Variants in PSME4 observed in about 807,000 individuals in gnomAD.
PSME4 encodes proteasome activator complex subunit 4.
PSME4 carries 89 observed loss-of-function variants against 253.9 expected under a neutral mutation model. The ratio of observed to expected loss-of-function variants is 0.35; its 90% CI spans 0.30 to 0.42. The LOEUF is 0.42. Among genes scored for constraint, PSME4 ranks in the 10% least tolerant of loss-of-function variants. The pLI, the probability that PSME4 is intolerant of heterozygous loss-of-function variation, is 1.00. For missense variants in PSME4, 2,014 were observed against 2,195.2 expected (o/e 0.92, Z 1.65); for synonymous variants, 851 against 759.2 (o/e 1.12, Z -1.99).
At chr2:53,912,070 T>G (rs1016651583) in intron 20 of PSME4, among the ~76,000 whole-genome samples, 1 of 152,212 alleles carries the variant, frequency 6.6e-6, no homozygotes, top group African/African-American at 2.4e-5. Flanking sequence ...TTCCTCGACT[T>G]TTAAAACTTG....
chr2:53,957,212 G>T (rs1433593801), intron 1 of PSME4, among the ~76,000 whole-genome samples: 2 of 152,176 alleles, frequency 1.3e-5, no homozygotes, highest in Non-Finnish European at 1.5e-5. Flanking sequence ...ACACAGAAAG[G>T]ACCGGTTTTG....
Position 53,908,378 on chromosome 2 carries a change from T to C in PSME4, c.2726A>G (p.His909Arg), listed in dbSNP as rs768667528. 37 of 1,613,208 alleles carry C rather than the reference T, an allele frequency of 2.3e-5. No individual in the cohort carries two copies. The highest frequency in any genetic ancestry group is 3.1e-5 in the Non-Finnish European group (37 of 1,179,618). ...GCTTTTCCATCGGGAGTCAAATTCA[T>C]GCTTGTGAGATCCTTGGAATTGTAA... ...DLLQFQGSHK[H>R]EFDSRWKSFN... Residue 909 changes from histidine to arginine, a missense_variant, in exon 24 of 47, where the codon CAT (histidine) becomes CGT (arginine). Transcript: ENST00000404125.
At chr2:53,888,015 T>C (rs764259077) in intron 38 of PSME4, 26 bp from the exon 39 acceptor site, 14 of 1,592,246 alleles carry the variant, frequency 8.8e-6, no homozygotes, top group South Asian at 5.7e-5. Context: ...CGTAGTGTTA[T>C]ATTGGAGGCC....
rs1244622821 is a variant in PSME4, at chr2:53,932,962, T to C, written c.958-202A>G. 2.3e-5 allele frequency: 12 copies of C among 514,570 alleles called. No individual in the cohort carries two copies. The South Asian group carries it at 3.7e-4, about 16-fold the overall frequency. The allele number at this position is 514,570 out of a possible 1,614,324, so 31.9% of individuals were successfully genotyped here. Reference sequence around the variant, plus strand: ...CCAACTCAAAATATTCTACTGCAAATAAGGGCAGCTTACTTGAACCAACAT... The same window carrying C: ...CCAACTCAAAATATTCTACTGCAAACAAGGGCAGCTTACTTGAACCAACAT... On this transcript the variant is annotated intron_variant, in intron 8 of 46. Coordinates refer to ENST00000404125, the MANE Select transcript of PSME4 (RefSeq NM_014614.3).
chr2:53,909,177 T>G (rs1667706767), intron 21 of PSME4, among the ~76,000 whole-genome samples: 1 of 152,122 alleles, frequency 6.6e-6, no homozygotes, highest in Non-Finnish European at 1.5e-5. Flanking sequence ...TTTCAAAGGC[T>G]CTAGTCACTA....
intron 44 of PSME4, among the ~76,000 whole-genome samples, chr2:53,868,853 TTAAACATGACATAG>T (rs1678732507): frequency 6.6e-6 from 1 of 151,956 alleles, no homozygotes; most frequent in Non-Finnish European, 1.5e-5. Flanking sequence ...ACATTTCTTT[TTAAACATGACATAG>T]TAGTCAGATC....
At chr2:53,923,157 G>A in intron 15 of PSME4, 39 bp from the exon 16 acceptor site, 1 of 1,540,916 alleles carries the variant, frequency 6.5e-7, no homozygotes, top group Non-Finnish European at 8.9e-7. Flanking sequence ...TTTTTGAAAG[G>A]CAAATATATA....
chr2:53,874,442 T>C lies in PSME4; in HGVS notation c.4997A>G (p.Gln1666Arg). Residue 1666 changes from glutamine to arginine, a missense_variant, in exon 43 of 47, where the codon CAG becomes CGG. This residue lies in a region of PSME4 where 403 missense variants were observed against 556.1 expected (regional missense o/e 0.72). Coordinates refer to ENST00000404125, the MANE Select transcript of PSME4 (RefSeq NM_014614.3). ...HARYTVLTYL[Q>R]TMVFYNLFIF... ...AAAGAGGTTATAAAATACCATGGTCTGGAGGTAGGTCAGTACTGTGTATCG... is the reference window on the plus strand; with the variant it reads ...AAAGAGGTTATAAAATACCATGGTCCGGAGGTAGGTCAGTACTGTGTATCG... The C allele has an allele frequency of 6.2e-7, 1 of 1,614,102 alleles. No individual in the cohort carries two copies. Among genetic ancestry groups the C allele is most frequent in the Non-Finnish European group, 8.5e-7 (1 of 1,179,952 alleles).
At chr2:53,946,903 C>T (rs778073962) in intron 3 of PSME4, among the ~76,000 whole-genome samples, 13 of 150,874 alleles carry the variant, frequency 8.6e-5, no homozygotes, top group South Asian at 2.1e-4. Context: ...AACAGAGCAA[C>T]CCTGAAAAAG....
chr2:53,941,878 GC>G (rs1320319509), intron 3 of PSME4, among the ~76,000 whole-genome samples: 2 of 152,012 alleles, frequency 1.3e-5, no homozygotes, highest in Non-Finnish European at 1.5e-5. Context: ...ATACGACCTT[GC>G]TATACCAATA....
At position 53,927,600 on chromosome 2, in the gene PSME4, GT is replaced by G. The variant is rs898014462; in HGVS notation, c.1504-118del. The G allele has an allele frequency of 1.6e-5, 12 of 760,420 alleles. No homozygotes were observed. The African/African-American group carries it at 1.9e-4, about 12-fold the overall frequency. The allele number at this position is 760,420 out of a possible 1,614,324, so 47.1% of individuals were successfully genotyped here. ...TTATCTTGATCAAAATCCCACAACA[GT>G]TTTTCTGGGTATTCCTCATTTAGAA... On this transcript the variant is annotated intron_variant, in intron 11 of 46. Transcript: ENST00000404125.
chr2:53,912,796 A>G (rs1002735714), intron 20 of PSME4, among the ~76,000 whole-genome samples: 1 of 152,192 alleles, frequency 6.6e-6, no homozygotes, highest in Non-Finnish European at 1.5e-5. Context: ...TTTTTACTAA[A>G]AGAAATCTCT....
At chr2:53,868,008 CAT>C (rs1327770973) in intron 44 of PSME4, among the ~76,000 whole-genome samples, 7 of 151,990 alleles carry the variant, frequency 4.6e-5, no homozygotes, top group African/African-American at 1.2e-4. Flanking sequence ...TGTGTATTCA[CAT>C]GTTTTAAAGC....
At chr2:53,907,553 G>A (rs903349513) in intron 24 of PSME4, among the ~76,000 whole-genome samples, 1 of 152,120 alleles carries the variant, frequency 6.6e-6, no homozygotes, top group African/African-American at 2.4e-5. Context: ...TCACAGTGGT[G>A]GCAGAGCTTT....
chr2:53,878,394 C>T (rs1244606157), intron 41 of PSME4, among the ~76,000 whole-genome samples: 2 of 152,056 alleles, frequency 1.3e-5, no homozygotes, highest in East Asian at 1.9e-4. Context: ...GTTAATTGCA[C>T]AAATTGTTTA....
At chr2:53,876,428 G>A (rs1476274918) in intron 41 of PSME4, among the ~76,000 whole-genome samples, 8 of 152,196 alleles carry the variant, frequency 5.3e-5, no homozygotes, top group African/African-American at 1.9e-4. Context: ...AGATGTAAAG[G>A]TCTGACTTTA....
intron 1 of PSME4, among the ~76,000 whole-genome samples, chr2:53,952,808 T>A (rs1251671872): frequency 6.6e-6 from 1 of 152,148 alleles, no homozygotes; most frequent in African/African-American, 2.4e-5. Context: ...TAATGCCCAA[T>A]CGCCTGTCCA....
intron 32 of PSME4, 84 bp downstream of exon 32, chr2:53,896,720 G>A (rs1680153914): frequency 2.0e-6 from 2 of 1,010,078 alleles, no homozygotes; most frequent in East Asian, 2.4e-5. Flanking sequence ...AATATTTGAG[G>A]TCAAGAACTA....
intron 41 of PSME4, among the ~76,000 whole-genome samples, chr2:53,884,106 C>A (rs1345505899): frequency 1.3e-5 from 2 of 152,194 alleles, no homozygotes; most frequent in Non-Finnish European, 2.9e-5. Context: ...CTTTGTACCT[C>A]TGGCCCCATT....
Sources: allele counts gnomAD v4.1 joint callset (sites outside exome capture counted in the v4.1 genomes callset), GRCh38; gene constraint gnomAD v4.1.1; regional missense constraint gnomAD v4.1.1; transcripts MANE v1.5; gene names NCBI Gene and HGNC (gene_info 2026-07-23, HGNC 2026-07-21).